STPG2: variants seen among roughly 807,000 people sequenced by gnomAD.
STPG2 encodes sperm tail PG-rich repeat containing 2, also known as sperm-tail PG-rich repeat-containing protein 2.
A neutral mutation model predicts 54.2 loss-of-function variants in STPG2; 56 were observed. That is an observed-to-expected ratio of 1.03 (90% CI 0.83 to 1.29). The LOEUF (loss-of-function observed/expected upper bound fraction) is 1.29. Among genes scored for constraint, STPG2 ranks in the 50% most tolerant of loss-of-function variants. STPG2 has a pLI of 0.00. For synonymous variants in STPG2, 200 were observed against 181.8 expected (o/e 1.10, Z -0.81); for missense variants, 596 against 544.9 (o/e 1.09, Z -0.93).
At chr4:98,093,821 G>A (rs1046636332) in intron 5 of STPG2, among the ~76,000 whole-genome samples, 2 of 152,166 alleles carry the variant, frequency 1.3e-5, no homozygotes, top group African/African-American at 4.8e-5. Flanking sequence ...AAGCCATGCT[G>A]AGCTCAGCCA....
chr4:97,830,168 C>A (rs920015284), intron 9 of STPG2, among the ~76,000 whole-genome samples: 2 of 152,180 alleles, frequency 1.3e-5, no homozygotes, highest in African/African-American at 2.4e-5. Context: ...AGACTAACAG[C>A]AGATCTCTCT....
At chr4:97,544,579 AT>A in intron 4 of STPG2, among the ~76,000 whole-genome samples, 1 of 152,110 alleles carries the variant, frequency 6.6e-6, no homozygotes, top group East Asian at 1.9e-4. Context: ...TCATATAAAA[AT>A]ATTTACAAAA....
chr4:97,923,107 C>T (rs1000868300), intron 8 of STPG2, among the ~76,000 whole-genome samples: 1 of 152,256 alleles, frequency 6.6e-6, no homozygotes, highest in South Asian at 2.1e-4. Context: ...CCTCGCAGCC[C>T]TCGCTCACTC....
At chr4:97,746,414 T>C (rs1466041266) in intron 9 of STPG2, among the ~76,000 whole-genome samples, 1 of 151,290 alleles carries the variant, frequency 6.6e-6, no homozygotes, top group African/African-American at 2.4e-5. Context: ...ACTCACAATG[T>C]GATTATCTGA....
Position 97,512,794 on chromosome 4 carries a change from C to A in STPG2, c.462+199905G>T, listed in dbSNP as rs555324764. 4.2e-3 allele frequency among the ~76,000 whole-genome samples: 635 copies of A among 152,024 alleles called. 4 individuals carry two copies. The highest frequency in any genetic ancestry group is 0.021 in the South Asian group (100 of 4,820). ...ACAGGAAAATCTAAAATCTTTTTTTCATACTATACTCTCACAATACAGAAT... is the reference window on the plus strand; with the variant it reads ...ACAGGAAAATCTAAAATCTTTTTTTAATACTATACTCTCACAATACAGAAT... On this transcript the variant is annotated intron_variant, in intron 4 of 4. Transcript: ENST00000522676.
At chr4:97,547,470 A>G (rs1309709058) in intron 4 of STPG2, among the ~76,000 whole-genome samples, 1 of 152,150 alleles carries the variant, frequency 6.6e-6, no homozygotes, top group Non-Finnish European at 1.5e-5. Flanking sequence ...TCGGCCTCCC[A>G]AAGTGCTGGG....
rs1483721596 is a variant in STPG2, at chr4:98,050,861, C to G, written c.612+55092G>C. ...CCTACTAAAAATACAAAAAATTAGC[C>G]GGGCGTGGTGTCGGACGCCTGTAGT... On this transcript the variant is annotated intron_variant, in intron 5 of 10. Transcript: ENST00000295268. Among the ~76,000 whole-genome samples, 5 of 151,778 alleles carry G rather than the reference C, an allele frequency of 3.3e-5. No individual in the cohort carries two copies. The South Asian group carries it at 1.0e-3, about 31-fold the overall frequency.
chr4:98,020,791 C>A (rs1736156216), intron 5 of STPG2, among the ~76,000 whole-genome samples: 1 of 152,136 alleles, frequency 6.6e-6, no homozygotes. Context: ...TCAAGATTTT[C>A]TAGTTTATTT....
In STPG2 at chr4:98,051,801, A is replaced by G. The variant is rs370248429; in HGVS notation, c.612+54152T>C. ...TCATAGAGGAACAAAAGCTCTGGCC[A>G]ATATACATAAATAGGAAACACGCTG... On this transcript the variant is annotated intron_variant, in intron 5 of 10. Coordinates refer to ENST00000295268, the MANE Select transcript of STPG2 (RefSeq NM_174952.3). Among the ~76,000 whole-genome samples, 27 of 152,138 alleles carry G rather than the reference A, an allele frequency of 1.8e-4. 1 individual carries two copies. The highest frequency in any genetic ancestry group is 6.0e-4 in the African/African-American group (25 of 41,500).
intron 10 of STPG2, among the ~76,000 whole-genome samples, chr4:97,593,273 C>A (rs1248449093): frequency 1.3e-5 from 2 of 152,142 alleles, no homozygotes; most frequent in Non-Finnish European, 2.9e-5. Flanking sequence ...CCTCCTCATG[C>A]TACTTTGCCA....
chr4:97,611,927 A>C (rs909868326), intron 10 of STPG2, among the ~76,000 whole-genome samples: 3 of 151,882 alleles, frequency 2.0e-5, no homozygotes, highest in South Asian at 2.1e-4. Flanking sequence ...AAAGTAGAAG[A>C]AGCACTCACA....
At chr4:97,838,075 C>A (rs1424410081) in intron 9 of STPG2, among the ~76,000 whole-genome samples, 1 of 151,456 alleles carries the variant, frequency 6.6e-6, no homozygotes, top group African/African-American at 2.4e-5. Flanking sequence ...TTAAGTCAGA[C>A]AATGTTATAG....
At chr4:97,519,631 A>G (rs1481157106) in intron 4 of STPG2, among the ~76,000 whole-genome samples, 1 of 152,104 alleles carries the variant, frequency 6.6e-6, no homozygotes, top group Admixed American at 6.6e-5. Flanking sequence ...AAACTCTAGC[A>G]TAGAGGGATG....
chr4:97,670,376 A>G (rs912230477), intron 10 of STPG2, among the ~76,000 whole-genome samples: 10 of 152,214 alleles, frequency 6.6e-5, no homozygotes, highest in Admixed American at 2.0e-4. Context: ...TTAAAATGGA[A>G]TCAATAGTGG....
At chr4:97,981,947 C>T (rs894696945) in intron 5 of STPG2, among the ~76,000 whole-genome samples, 16 of 150,168 alleles carry the variant, frequency 1.1e-4, no homozygotes, top group Non-Finnish European at 1.9e-4. Context: ...TGCAGTGGCG[C>T]GATCTCGGCT....
At chr4:97,903,347 T>C (rs772476629) in intron 8 of STPG2, among the ~76,000 whole-genome samples, 1 of 152,008 alleles carries the variant, frequency 6.6e-6, no homozygotes, top group African/African-American at 2.4e-5. Context: ...ACTTTGAATA[T>C]ACACAATTTT....
chr4:97,853,609 T>G (rs1352286245), intron 8 of STPG2, among the ~76,000 whole-genome samples: 3 of 152,140 alleles, frequency 2.0e-5, no homozygotes, highest in Non-Finnish European at 4.4e-5. Context: ...GCATCACACA[T>G]TTAAAAGCTA....
chr4:97,461,308 A>G (rs145522485), intron 4 of STPG2, among the ~76,000 whole-genome samples: 1,561 of 152,268 alleles, frequency 0.01, 10 homozygotes, highest in Non-Finnish European at 0.016. Context: ...ATAAAGTAGT[A>G]TAACACTGCT....
chr4:97,850,708 A>ATTT (rs1263551045), intron 8 of STPG2, among the ~76,000 whole-genome samples: 2 of 152,184 alleles, frequency 1.3e-5, no homozygotes, highest in African/African-American at 4.8e-5. Flanking sequence ...GTCTTTTCTG[A>ATTT]AAGCCTAATC....
Sources: allele counts gnomAD v4.1 joint callset (sites outside exome capture counted in the v4.1 genomes callset), GRCh38; gene constraint gnomAD v4.1.1; transcripts MANE v1.5; gene names NCBI Gene and HGNC (gene_info 2026-07-23, HGNC 2026-07-21).